The following UGT3A2 variants were observed in gnomAD, a reference collection of about 807,000 sequenced individuals.
UGT3A2 encodes the protein UDP glycosyltransferase family 3 member A2, also known as UDP-glycosyltransferase 3A2.
UGT3A2 carries 32 observed loss-of-function variants against 39.8 expected under a neutral mutation model. The observed-to-expected ratio is 0.80, with a 90% CI of 0.61 to 1.08. The LOEUF (loss-of-function observed/expected upper bound fraction) is 1.08, where lower values mean the gene tolerates loss of function less well. Among genes scored for constraint, UGT3A2 ranks in the 50% least tolerant of loss-of-function variants. The probability of loss-of-function intolerance (pLI) is 0.00; values close to 1 mark genes in which losing one functional copy is unlikely to be tolerated. For synonymous variants in UGT3A2, 241 were observed against 230.7 expected (o/e 1.04, Z -0.40); for missense variants, 611 against 637.1 (o/e 0.96, Z 0.44).
intron 2 of UGT3A2, among the ~76,000 whole-genome samples, chr5:36,060,740 T>G (rs942654483): frequency 1.2e-4 from 18 of 152,360 alleles, no homozygotes; most frequent in African/African-American, 3.8e-4. Context: ...TAATAGTGGC[T>G]GTCAGCCACA....
At chr5:36,049,573 G>A (rs2441080) in intron 3 of UGT3A2, among the ~76,000 whole-genome samples, 153 bp from the exon 4 acceptor site, 28,220 of 152,062 alleles carry the variant, frequency 0.19, 3,074 homozygotes, top group East Asian at 0.42. Context: ...AATACCCTCT[G>A]CCATAATTAT....
At chr5:36,055,493 A>G (rs893192315) in intron 2 of UGT3A2, among the ~76,000 whole-genome samples, 3 of 152,062 alleles carry the variant, frequency 2.0e-5, no homozygotes, top group African/African-American at 7.2e-5. Flanking sequence ...CAGCCTCCCA[A>G]AGTGCTGGGA....
chr5:36,055,721 G>A (rs1350227800), intron 2 of UGT3A2, among the ~76,000 whole-genome samples: 5 of 152,050 alleles, frequency 3.3e-5, no homozygotes, highest in African/African-American at 9.7e-5. Flanking sequence ...AACTCCATGT[G>A]CCTCCTCTCT....
chr5:36,038,753 G>A (rs1438211403), intron 5 of UGT3A2, among the ~76,000 whole-genome samples: 2 of 152,226 alleles, frequency 1.3e-5, no homozygotes, highest in African/African-American at 4.8e-5. Flanking sequence ...CACAGAAGTA[G>A]GACCAGGAAT....
At chr5:36,039,074 G>A (rs2111692795) in intron 5 of UGT3A2, among the ~76,000 whole-genome samples, 1 of 152,320 alleles carries the variant, frequency 6.6e-6, no homozygotes, top group African/African-American at 2.4e-5. Context: ...AAGTCCATGT[G>A]GTTGAACTGG....
rs188624045 is a variant in UGT3A2, at chr5:36,066,799, T to A, written c.-10A>T. 4.3e-6 allele frequency: 7 copies of A among 1,614,154 alleles called. No homozygotes were observed. In the East Asian group the frequency reaches 1.6e-4, roughly 36 times the overall value. On this transcript the variant is annotated 5_prime_UTR_variant, in exon 1 of 7. Coordinates refer to ENST00000282507, the MANE Select transcript of UGT3A2 (RefSeq NM_174914.4). ...CTCGCTGCCCAGCCATGCTCACTTC[T>A]ACGGAAGCCGCGGATCTCAGCCTGG...
Position 36,046,603 on chromosome 5 carries a change from G to GTT in UGT3A2, c.843+2285_843+2286insAA, listed in dbSNP as rs767084881. ...GATAGCAGAACGATTGTTACCAGACGCTGGGATGGGTAGTTAGGGGCTGGG... is the reference window on the plus strand; with the variant it reads ...GATAGCAGAACGATTGTTACCAGACGTTCTGGGATGGGTAGTTAGGGGCTGGG... On this transcript the variant is annotated intron_variant, in intron 4 of 6. Coordinates refer to ENST00000282507, the MANE Select transcript of UGT3A2 (RefSeq NM_174914.4). Among the ~76,000 whole-genome samples, 51 of 152,282 alleles carry GTT rather than the reference G, an allele frequency of 3.3e-4. 1 individual carries two copies. The highest frequency in any genetic ancestry group is 5.3e-4 in the Non-Finnish European group (36 of 68,030).
At chr5:36,050,121 ATTT>A (rs1742294608) in intron 3 of UGT3A2, among the ~76,000 whole-genome samples, 1 of 149,724 alleles carries the variant, frequency 6.7e-6, no homozygotes, top group South Asian at 2.1e-4. Context: ...TTTATATATT[ATTT>A]ATTTACATAT....
chr5:36,065,109 C>T lies in UGT3A2; in HGVS notation c.95-759G>A, dbSNP rs184636117. Among the ~76,000 whole-genome samples the T allele has an allele frequency of 2.0e-5, 3 of 152,004 alleles. No homozygotes were observed. In the East Asian group the frequency reaches 5.8e-4, roughly 29 times the overall value. On this transcript the variant is annotated intron_variant, in intron 1 of 6. Coordinates refer to ENST00000282507, the MANE Select transcript of UGT3A2 (RefSeq NM_174914.4). ...ATCCTCAAAAGAGGTACAAGTTCCACGAAATCAATGTCTTCTCAGTACATG... is the reference window on the plus strand; with the variant it reads ...ATCCTCAAAAGAGGTACAAGTTCCATGAAATCAATGTCTTCTCAGTACATG...
intron 1 of UGT3A2, among the ~76,000 whole-genome samples, chr5:36,065,314 C>A (rs1742846771): frequency 6.6e-6 from 1 of 152,158 alleles, no homozygotes; most frequent in Non-Finnish European, 1.5e-5. Context: ...CTTGAATAGT[C>A]TGGAGCAACA....
chr5:36,063,571 T>C (rs1213709721), intron 2 of UGT3A2, among the ~76,000 whole-genome samples: 2 of 152,238 alleles, frequency 1.3e-5, no homozygotes, highest in African/African-American at 4.8e-5. Context: ...AAAAGTAATC[T>C]ATAAAAAGAA....
At chr5:36,054,651 C>A (rs1237186224) in intron 2 of UGT3A2, among the ~76,000 whole-genome samples, 1 of 150,678 alleles carries the variant, frequency 6.6e-6, no homozygotes, top group Non-Finnish European at 1.5e-5. Context: ...GCATAGGATA[C>A]CAATTATAGA....
chr5:36,039,587 T>A lies in UGT3A2; in HGVS notation c.965A>T (p.His322Leu), dbSNP rs146695537. Residue 322 changes from histidine (H) to leucine (L), a missense_variant, in exon 5 of 7, where the codon CAC becomes CTC. His to Leu is a moderately conservative substitution (Grantham distance 99). Coordinates refer to ENST00000282507, the MANE Select transcript of UGT3A2 (RefSeq NM_174914.4). ...IFKEMNNAFAHLPQGVIWKCQ... is the reference protein window; with the variant it reads ...IFKEMNNAFALLPQGVIWKCQ... Reference sequence around the variant, plus strand: ...CTTCCATATCACCCCTTGGGGTAGGTGAGCAAAGGCATTGTTCATCTCCTT... The same window carrying A: ...CTTCCATATCACCCCTTGGGGTAGGAGAGCAAAGGCATTGTTCATCTCCTT... The A allele has an allele frequency of 2.0e-5, 32 of 1,614,052 alleles. No individual in the cohort carries two copies. The African/African-American group carries it at 4.0e-4, about 20-fold the overall frequency.
chr5:36,057,998 A>T lies in UGT3A2; in HGVS notation c.197-6014T>A, dbSNP rs564664945. Among the ~76,000 whole-genome samples the T allele has an allele frequency of 5.5e-4, 84 of 152,360 alleles. 2 individuals carry two copies. The South Asian group carries it at 0.013, about 24-fold the overall frequency. ...TTAATCAGATATCCAGTTTAGGCAG[A>T]TACGAAGGCAGTGAAGAATATGAAA... On this transcript the variant is annotated intron_variant, in intron 2 of 6. Transcript: ENST00000282507.
At chr5:36,063,633 T>C (rs1317368405) in intron 2 of UGT3A2, among the ~76,000 whole-genome samples, 1 of 152,206 alleles carries the variant, frequency 6.6e-6, no homozygotes, top group East Asian at 1.9e-4. Flanking sequence ...ATTTCTGTTC[T>C]ATCTATATAC....
chr5:36,054,791 C>A (rs989938390), intron 2 of UGT3A2, among the ~76,000 whole-genome samples: 3 of 152,146 alleles, frequency 2.0e-5, no homozygotes, highest in Admixed American at 1.3e-4. Context: ...TTTGGCTCAG[C>A]CTTCTGGGCT....
At chr5:36,058,018 A>G (rs547114019) in intron 2 of UGT3A2, among the ~76,000 whole-genome samples, 1 of 152,364 alleles carries the variant, frequency 6.6e-6, no homozygotes, top group South Asian at 2.1e-4. Context: ...AGTGAAGAAT[A>G]TGAAAACTAA....
Position 36,051,898 on chromosome 5 carries a change from A to C in UGT3A2, c.283T>G (p.Phe95Val). ...CCACCTAAAGTTTCTTCCAGAAAGA[A>C]ATCAAAACTCTTTTTAAATTCTCTT... Reference protein sequence around the residue: ...HQREFKKSFDFFLEETLGGRG... With the variant: ...HQREFKKSFDVFLEETLGGRG... Residue 95 changes from phenylalanine (F) to valine (V), a missense_variant, in exon 3 of 7, where the codon TTC becomes GTC. Phe to Val is a conservative substitution (Grantham distance 50). Coordinates refer to ENST00000282507, the MANE Select transcript of UGT3A2 (RefSeq NM_174914.4). 1 of 1,593,910 alleles carries C rather than the reference A, an allele frequency of 6.3e-7. No homozygotes were observed. The highest frequency in any genetic ancestry group is 8.5e-7 in the Non-Finnish European group (1 of 1,175,164).
At chr5:36,063,013 C>A (rs1742757934) in intron 2 of UGT3A2, among the ~76,000 whole-genome samples, 4 of 151,728 alleles carry the variant, frequency 2.6e-5, no homozygotes, top group South Asian at 2.1e-4. Context: ...TGTACTCCAG[C>A]CTGGCCAACA....
Sources: gnomAD v4.1 joint callset for allele counts (sites outside exome capture counted in the v4.1 genomes callset) on GRCh38, gnomAD v4.1.1 for gene constraint, MANE v1.5 for transcripts, NCBI Gene and HGNC (gene_info 2026-07-23, HGNC 2026-07-21) for gene names.